Variants in EYS observed in about 807,000 individuals in gnomAD.
EYS encodes protein eyes shut homolog.
In EYS, 250 loss-of-function variants were observed where a neutral mutation model predicts 282.1. The observed-to-expected ratio is 0.89, with a 90% CI of 0.80 to 0.98. EYS has a LOEUF of 0.98. EYS is among the 50% of genes least tolerant of loss of function. The pLI, the probability that EYS is intolerant of heterozygous loss-of-function variation, is 0.00. For missense variants in EYS, 4,016 were observed against 3,709.0 expected (o/e 1.08, Z -2.15); for synonymous variants, 1,355 against 1,282.9 (o/e 1.06, Z -1.20).
intron 1 of EYS, among the ~76,000 whole-genome samples, chr6:65,659,319 T>G (rs1767929713): frequency 6.6e-6 from 1 of 151,704 alleles, no homozygotes; most frequent in African/African-American, 2.4e-5. Context: ...TATCTGGCAA[T>G]ACAAGTTTAT....
At chr6:63,908,012 G>GTGTATATATA (rs1491193336) in intron 35 of EYS, among the ~76,000 whole-genome samples, 6,107 of 131,110 alleles carry the variant, frequency 0.047, 217 homozygotes, top group South Asian at 0.1. Flanking sequence ...ACACACAAAC[G>GTGTATATATA]TATATATATA....
intron 33 of EYS, among the ~76,000 whole-genome samples, chr6:64,005,607 A>C (rs1194754773): frequency 1.3e-5 from 2 of 152,134 alleles, no homozygotes; most frequent in Non-Finnish European, 2.9e-5. Context: ...TTTGGGTTTT[A>C]CATTTAAGTC....
chr6:63,749,400 T>G (rs1192403428), intron 41 of EYS, among the ~76,000 whole-genome samples: 1 of 152,210 alleles, frequency 6.6e-6, no homozygotes, highest in Non-Finnish European at 1.5e-5. Flanking sequence ...ATCTTATGTC[T>G]GATTATGTGG....
intron 31 of EYS, among the ~76,000 whole-genome samples, chr6:64,091,758 T>A (rs1322243127): frequency 2.0e-5 from 3 of 152,168 alleles, no homozygotes; most frequent in Non-Finnish European, 4.4e-5. Context: ...CATTGTCTTT[T>A]TTTTAATTAT....
intron 35 of EYS, among the ~76,000 whole-genome samples, chr6:63,947,887 A>G (rs1451391782): frequency 6.6e-6 from 1 of 152,222 alleles, no homozygotes; most frequent in African/African-American, 2.4e-5. Context: ...AGGTCATGAC[A>G]TAACGTTATT....
intron 1 of EYS, among the ~76,000 whole-genome samples, chr6:65,676,436 G>A (rs769502632): frequency 4.6e-5 from 7 of 151,750 alleles, no homozygotes; most frequent in East Asian, 1.9e-4. Context: ...AAAATTATAC[G>A]TCTACAAATT....
chr6:63,811,064 C>T (rs979200352), intron 36 of EYS, among the ~76,000 whole-genome samples: 6 of 152,136 alleles, frequency 3.9e-5, no homozygotes, highest in Non-Finnish European at 8.8e-5. Flanking sequence ...GTCCTGCCTC[C>T]CAGGAGTTAC....
intron 33 of EYS, among the ~76,000 whole-genome samples, chr6:64,013,309 T>A (rs779506202): frequency 2.6e-5 from 4 of 152,192 alleles, no homozygotes; most frequent in Non-Finnish European, 2.9e-5. Flanking sequence ...ATTCTCTAGA[T>A]TTCATGGTCT....
At chr6:63,933,016 A>T (rs1764944229) in intron 35 of EYS, among the ~76,000 whole-genome samples, 1 of 152,158 alleles carries the variant, frequency 6.6e-6, no homozygotes, top group African/African-American at 2.4e-5. Flanking sequence ...CACTTTACTT[A>T]TGTTTACTCA....
chr6:65,089,899 T>C (rs34319057), intron 12 of EYS, among the ~76,000 whole-genome samples: 28,324 of 137,078 alleles, frequency 0.21, 3,271 homozygotes, highest in Middle Eastern at 0.29. Context: ...GAGGTTGCAG[T>C]AAAGCTGAGA....
At chr6:64,239,770 T>C (rs1156969399) in intron 30 of EYS, among the ~76,000 whole-genome samples, 1 of 152,216 alleles carries the variant, frequency 6.6e-6, no homozygotes, top group Non-Finnish European at 1.5e-5. Flanking sequence ...CAAATCCTGT[T>C]TGTCTATTTT....
intron 8 of EYS, among the ~76,000 whole-genome samples, chr6:65,373,351 G>A (rs1226212134): frequency 6.6e-6 from 1 of 152,066 alleles, no homozygotes; most frequent in Non-Finnish European, 1.5e-5. Context: ...AAATGAGAAT[G>A]GGGATGGATG....
chr6:64,747,178 G>A (rs1207955373), intron 22 of EYS, among the ~76,000 whole-genome samples: 1 of 152,160 alleles, frequency 6.6e-6, no homozygotes, highest in Non-Finnish European at 1.5e-5. Flanking sequence ...GTAATTTTTG[G>A]TAAGGATCAA....
At chr6:64,299,445 G>A (rs1769153025) in intron 30 of EYS, among the ~76,000 whole-genome samples, 1 of 152,214 alleles carries the variant, frequency 6.6e-6, no homozygotes, top group Non-Finnish European at 1.5e-5. Context: ...TGCAGCCTAG[G>A]TCTGTGGGTC....
intron 26 of EYS, among the ~76,000 whole-genome samples, chr6:64,488,879 G>GT (rs1776652345): frequency 6.6e-6 from 1 of 150,908 alleles, no homozygotes; most frequent in Non-Finnish European, 1.5e-5. Context: ...GTTAGGAGAA[G>GT]TAACAAGTTA....
intron 22 of EYS, among the ~76,000 whole-genome samples, chr6:64,725,881 T>C (rs890964560): frequency 3.3e-5 from 5 of 152,162 alleles, no homozygotes; most frequent in Non-Finnish European, 7.4e-5. Flanking sequence ...AAACATAAAA[T>C]TAATCATGTA....
intron 20 of EYS, among the ~76,000 whole-genome samples, chr6:64,822,022 G>A (rs550683980): frequency 2.0e-5 from 3 of 152,106 alleles, no homozygotes; most frequent in African/African-American, 7.2e-5. Flanking sequence ...TGGCCAGCCT[G>A]CATTGCAATG....
intron 30 of EYS, among the ~76,000 whole-genome samples, chr6:64,244,343 C>T (rs1334623494): frequency 1.3e-5 from 2 of 152,112 alleles, no homozygotes; most frequent in Non-Finnish European, 2.9e-5. Flanking sequence ...TGTTTTCCCT[C>T]TTCCATTGAT....
chr6:64,371,811 G>A (rs1329373228), intron 29 of EYS, among the ~76,000 whole-genome samples: 2 of 151,980 alleles, frequency 1.3e-5, no homozygotes, highest in African/African-American at 4.8e-5. Flanking sequence ...TTTAAAATCT[G>A]TGTTGTCTAA....
Sources: gnomAD v4.1 joint callset for allele counts (sites outside exome capture counted in the v4.1 genomes callset) on GRCh38, gnomAD v4.1.1 for gene constraint, MANE v1.5 for transcripts, NCBI Gene and HGNC (gene_info 2026-07-23, HGNC 2026-07-21) for gene names.